The following LRMDA variants were observed in gnomAD, a reference collection of about 807,000 sequenced individuals.
LRMDA encodes the protein leucine rich melanocyte differentiation associated, also known as leucine-rich melanocyte differentiation-associated protein.
In LRMDA, 18 loss-of-function variants were observed where a neutral mutation model predicts 29.8. The observed-to-expected ratio is 0.60, with a 90% confidence interval of 0.42 to 0.90. The LOEUF (loss-of-function observed/expected upper bound fraction) is 0.90, where lower values mean the gene tolerates loss of function less well. Among genes scored for constraint, LRMDA ranks in the 40% least tolerant of loss-of-function variants. The probability of loss-of-function intolerance (pLI) is 0.00; values close to 1 mark genes in which losing one functional copy is unlikely to be tolerated. For missense variants in LRMDA, 273 were observed against 273.9 expected, an observed-to-expected ratio of 1.00 and a Z score of 0.02; for synonymous variants, 125 against 109.4, an observed-to-expected ratio of 1.14 and a Z score of -0.89.
intron 5 of LRMDA, among the ~76,000 whole-genome samples, chr10:76,144,370 A>G (rs938459115): frequency 4.6e-5 from 7 of 151,996 alleles, no homozygotes; most frequent in Non-Finnish European, 8.8e-5. Flanking sequence ...TATTTCCTTG[A>G]GCAGTGGTTT....
At chr10:76,541,081 A>G (rs1368783206) in intron 6 of LRMDA, among the ~76,000 whole-genome samples, 1 of 151,962 alleles carries the variant, frequency 6.6e-6, no homozygotes, top group East Asian at 1.9e-4. Context: ...CCGTGGCCCA[A>G]ATTTGGAATT....
chr10:76,354,383 A>C (rs1030072327), intron 6 of LRMDA, among the ~76,000 whole-genome samples: 2 of 152,194 alleles, frequency 1.3e-5, no homozygotes, highest in African/African-American at 2.4e-5. Flanking sequence ...TCCCAGGAGG[A>C]TAGAAATGTG....
intron 2 of LRMDA, among the ~76,000 whole-genome samples, chr10:75,835,548 A>T (rs1445555016): frequency 6.6e-6 from 1 of 152,214 alleles, no homozygotes; most frequent in Non-Finnish European, 1.5e-5. Flanking sequence ...CCATATCGCT[A>T]TTATTTCAGT....
chr10:76,432,555 G>C (rs1319258082), intron 6 of LRMDA, among the ~76,000 whole-genome samples: 1 of 152,170 alleles, frequency 6.6e-6, no homozygotes, highest in African/African-American at 2.4e-5. Flanking sequence ...GGAGCTAACA[G>C]GGCTCCCAAA....
At chr10:75,602,427 C>T (rs1840898938) in intron 2 of LRMDA, among the ~76,000 whole-genome samples, 1 of 152,146 alleles carries the variant, frequency 6.6e-6, no homozygotes, top group South Asian at 2.1e-4. Flanking sequence ...TTTGGTTCCT[C>T]TCCACTCAAG....
At chr10:75,483,278 A>T (rs1844873149) in intron 2 of LRMDA, among the ~76,000 whole-genome samples, 1 of 152,186 alleles carries the variant, frequency 6.6e-6, no homozygotes, top group Non-Finnish European at 1.5e-5. Context: ...GCTGTGTATG[A>T]CATTCATCAT....
intron 2 of LRMDA, among the ~76,000 whole-genome samples, chr10:75,768,848 A>G (rs1843202611): frequency 6.6e-6 from 1 of 152,220 alleles, no homozygotes; most frequent in South Asian, 2.1e-4. Flanking sequence ...TGAGGTGCAA[A>G]GTAAAAATGC....
chr10:75,657,606 G>A (rs754145497), intron 2 of LRMDA, among the ~76,000 whole-genome samples: 2 of 152,144 alleles, frequency 1.3e-5, no homozygotes, highest in Non-Finnish European at 2.9e-5. Context: ...CTGTAAAATG[G>A]GGATAACACC....
intron 2 of LRMDA, among the ~76,000 whole-genome samples, chr10:75,715,169 C>G (rs780714153): frequency 2.6e-5 from 4 of 152,120 alleles, no homozygotes; most frequent in Admixed American, 6.5e-5. Context: ...CGTACCATTC[C>G]CCTTGTGTAT....
intron 2 of LRMDA, among the ~76,000 whole-genome samples, chr10:75,893,379 A>G (rs1261685453): frequency 6.6e-6 from 1 of 152,192 alleles, no homozygotes; most frequent in African/African-American, 2.4e-5. Flanking sequence ...AGGGAATGAC[A>G]TTGGCCATTG....
intron 2 of LRMDA, among the ~76,000 whole-genome samples, chr10:75,702,404 C>T (rs575861910): frequency 2.6e-5 from 4 of 152,252 alleles, no homozygotes; most frequent in East Asian, 3.9e-4. Context: ...ACCTAATACA[C>T]GTTGATTGAA....
intron 2 of LRMDA, among the ~76,000 whole-genome samples, chr10:76,009,745 C>T (rs1319457946): frequency 6.6e-6 from 1 of 152,166 alleles, no homozygotes; most frequent in East Asian, 1.9e-4. Context: ...TCCGCAGCCG[C>T]TCCCTGAAAT....
At chr10:76,096,427 A>T (rs900543031) in intron 5 of LRMDA, among the ~76,000 whole-genome samples, 2 of 151,992 alleles carry the variant, frequency 1.3e-5, no homozygotes, top group Non-Finnish European at 2.9e-5. Context: ...TTAATTGGCC[A>T]TGTACATTGG....
intron 2 of LRMDA, among the ~76,000 whole-genome samples, chr10:75,941,765 A>G (rs964419280): frequency 2.6e-5 from 4 of 152,178 alleles, no homozygotes; most frequent in South Asian, 2.1e-4. Flanking sequence ...ACTGATGACA[A>G]TCATGCCATG....
intron 6 of LRMDA, among the ~76,000 whole-genome samples, chr10:76,387,697 A>G (rs2132479624): frequency 6.6e-6 from 1 of 152,368 alleles, no homozygotes; most frequent in East Asian, 1.9e-4. Context: ...TTTAAGTGAA[A>G]GCAAGATTAT....
chr10:76,177,401 C>CAA (rs774048326), intron 5 of LRMDA, among the ~76,000 whole-genome samples: 120 of 141,496 alleles, frequency 8.5e-4, no homozygotes, highest in African/African-American at 2.9e-3. Flanking sequence ...TTAAAAAAGA[C>CAA]AAAAAAAAAA....
chr10:75,588,995 G>T (rs1408885469), intron 2 of LRMDA, among the ~76,000 whole-genome samples: 2 of 152,094 alleles, frequency 1.3e-5, no homozygotes, highest in African/African-American at 2.4e-5. Context: ...ATCCTAATTT[G>T]TTTATTCAAT....
At chr10:76,289,443 G>A (rs966951842) in intron 5 of LRMDA, among the ~76,000 whole-genome samples, 6 of 152,062 alleles carry the variant, frequency 3.9e-5, no homozygotes, top group Admixed American at 2.6e-4. Context: ...CTTAGTGTTT[G>A]TAATGCAGAG....
chr10:76,518,092 A>C (rs1334514030), intron 6 of LRMDA, among the ~76,000 whole-genome samples: 1 of 151,868 alleles, frequency 6.6e-6, no homozygotes, highest in Admixed American at 6.6e-5. Flanking sequence ...AACTACCGAC[A>C]TTGTCCTATT....
Sources: allele counts gnomAD v4.1 joint callset (sites outside exome capture counted in the v4.1 genomes callset), GRCh38; gene constraint gnomAD v4.1.1; transcripts MANE v1.5; gene names NCBI Gene and HGNC (gene_info 2026-07-23, HGNC 2026-07-21).